The following REEP3 variants were observed in gnomAD, a reference collection of about 807,000 sequenced individuals.
The protein encoded by REEP3 is receptor accessory protein 3.
In REEP3, 20 loss-of-function variants were observed where a neutral mutation model predicts 41.3. The ratio of observed to expected loss-of-function variants is 0.48; its 90% CI spans 0.34 to 0.70. The LOEUF (loss-of-function observed/expected upper bound fraction) is 0.70, where lower values mean the gene tolerates loss of function less well. Among genes scored for constraint, REEP3 ranks in the 30% least tolerant of loss-of-function variants. The pLI is 0.01. For missense variants in REEP3, 271 were observed against 308.8 expected, an observed-to-expected ratio of 0.88 and a Z score of 0.92; for synonymous variants, 104 against 101.8, an observed-to-expected ratio of 1.02 and a Z score of -0.13.
chr10:63,574,163 T>C (rs1357046390), intron 2 of REEP3, among the ~76,000 whole-genome samples: 1 of 152,232 alleles, frequency 6.6e-6, no homozygotes, highest in Admixed American at 6.5e-5. Flanking sequence ...CTTATTGTGC[T>C]ATTTCTTAAT....
chr10:63,572,316 T>A (rs898095168), intron 2 of REEP3, among the ~76,000 whole-genome samples: 4 of 151,900 alleles, frequency 2.6e-5, no homozygotes, highest in Admixed American at 6.6e-5. Context: ...TTTTTTTTTT[T>A]AATTATACTT....
intron 1 of REEP3, among the ~76,000 whole-genome samples, chr10:63,522,212 AC>A (rs1955280710): frequency 6.6e-6 from 1 of 151,804 alleles, no homozygotes; most frequent in Non-Finnish European, 1.5e-5. Context: ...TTTGCAGCTT[AC>A]CGAGAAAGGT....
intron 1 of REEP3, among the ~76,000 whole-genome samples, chr10:63,550,271 T>G (rs1955616268): frequency 6.6e-6 from 1 of 152,080 alleles, no homozygotes; most frequent in Non-Finnish European, 1.5e-5. Flanking sequence ...AAGTGAAGAA[T>G]CTCATGTTGG....
At chr10:63,607,618 A>T (rs2133425652) in intron 5 of REEP3, among the ~76,000 whole-genome samples, 1 of 152,330 alleles carries the variant, frequency 6.6e-6, no homozygotes, top group South Asian at 2.1e-4. Flanking sequence ...AAGAGTAATG[A>T]AAAAGAAGGG....
At chr10:63,556,840 T>G (rs953779127) in intron 1 of REEP3, among the ~76,000 whole-genome samples, 7 of 150,832 alleles carry the variant, frequency 4.6e-5, no homozygotes, top group Non-Finnish European at 7.4e-5. Context: ...TTTCACCGTT[T>G]TAGCCGGGAT....
chr10:63,550,908 G>A (rs909169752), intron 1 of REEP3, among the ~76,000 whole-genome samples: 2 of 151,870 alleles, frequency 1.3e-5, no homozygotes, highest in African/African-American at 4.8e-5. Context: ...TTAATACAAG[G>A]GTTCACAGAT....
At chr10:63,546,106 G>A (rs1166831969) in intron 1 of REEP3, among the ~76,000 whole-genome samples, 1 of 152,178 alleles carries the variant, frequency 6.6e-6, no homozygotes, top group Non-Finnish European at 1.5e-5. Context: ...GACCAGAGGT[G>A]TAGGCCATTG....
At chr10:63,537,271 A>G (rs1306577167) in intron 1 of REEP3, among the ~76,000 whole-genome samples, 2 of 152,192 alleles carry the variant, frequency 1.3e-5, no homozygotes, top group Non-Finnish European at 2.9e-5. Context: ...TACCTATGGT[A>G]TGATAGCATT....
chr10:63,598,324 A>T (rs1444008625), intron 4 of REEP3, among the ~76,000 whole-genome samples, 180 bp downstream of exon 4: 1 of 151,668 alleles, frequency 6.6e-6, no homozygotes, highest in Non-Finnish European at 1.5e-5. Context: ...TACTAAAAAT[A>T]CAAAAAAAAA....
intron 2 of REEP3, among the ~76,000 whole-genome samples, chr10:63,578,692 G>A (rs535879029): frequency 6.6e-6 from 1 of 152,170 alleles, no homozygotes; most frequent in East Asian, 1.9e-4. Context: ...TGGGAGGATC[G>A]CTCAAGCATA....
intron 6 of REEP3, among the ~76,000 whole-genome samples, chr10:63,619,400 A>G (rs1298982210): frequency 6.6e-6 from 1 of 152,216 alleles, no homozygotes; most frequent in Non-Finnish European, 1.5e-5. Flanking sequence ...AAATTATTTT[A>G]TAATTATTTT....
Position 63,622,144 on chromosome 10 carries a change from T to C in REEP3, c.*1275T>C, listed in dbSNP as rs912059643. 1.3e-5 allele frequency: 2 copies of C among 152,198 alleles called. No individual in the cohort carries two copies. The highest frequency in any genetic ancestry group is 4.8e-5 in the African/African-American group (2 of 41,450). The allele number at this position is 152,198 out of a possible 1,614,324, so 9.4% of individuals were successfully genotyped here. A position where few individuals can be genotyped will look rare whatever the true frequency, so the allele number is the denominator to read the frequency against. On this transcript the variant is annotated 3_prime_UTR_variant, in exon 8 of 8. Transcript: ENST00000373758. Reference sequence around the variant, plus strand: ...TGATCAGTAATCAAATTTGTACTTATTATGCTTGTTCAGGTAATTTACTTG... The same window carrying C: ...TGATCAGTAATCAAATTTGTACTTACTATGCTTGTTCAGGTAATTTACTTG...
rs1956369409 is a variant in REEP3, at chr10:63,623,352, TTTAAGGTAG to T, written c.*2484_*2492del. On this transcript the variant is annotated 3_prime_UTR_variant, in exon 8 of 8. Transcript: ENST00000373758. ...AATTAGCCTGTACATTTTTGTTTCT[TTTAAGGTAG>T]AACAGATCTTTTTTTGTTTCTCCTT... The T allele has an allele frequency of 6.6e-6, 1 of 152,202 alleles. No homozygotes were observed. The highest frequency in any genetic ancestry group is 2.1e-4 in the South Asian group (1 of 4,834). 9.4% of individuals were successfully genotyped at this position (152,202 alleles called of 1,614,324 possible). A position where few individuals can be genotyped will look rare whatever the true frequency, so the allele number is the denominator to read the frequency against.
At chr10:63,555,249 G>A (rs930464364) in intron 1 of REEP3, among the ~76,000 whole-genome samples, 9 of 152,110 alleles carry the variant, frequency 5.9e-5, no homozygotes, top group South Asian at 4.1e-4. Context: ...ATTTGGGGCT[G>A]TTGTTGTTTT....
intron 1 of REEP3, among the ~76,000 whole-genome samples, chr10:63,540,789 T>C (rs1955520890): frequency 6.6e-6 from 1 of 152,160 alleles, no homozygotes; most frequent in South Asian, 2.1e-4. Context: ...TCTCACTCTG[T>C]CTCCTAGGCT....
intron 1 of REEP3, among the ~76,000 whole-genome samples, chr10:63,551,525 C>T (rs1955628809): frequency 6.6e-6 from 1 of 152,124 alleles, no homozygotes; most frequent in Non-Finnish European, 1.5e-5. Flanking sequence ...GGAGGGGCGC[C>T]AGTAACTTTA....
At chr10:63,592,086 A>T (rs1477367508) in intron 2 of REEP3, among the ~76,000 whole-genome samples, 1 of 152,180 alleles carries the variant, frequency 6.6e-6, no homozygotes, top group East Asian at 1.9e-4. Flanking sequence ...CTGGGAAAGG[A>T]GGTGATAATA....
At chr10:63,606,143 G>A (rs1421512013) in intron 5 of REEP3, 12 of 934,130 alleles carry the variant, frequency 1.3e-5, no homozygotes, top group Non-Finnish European at 1.5e-5. Context: ...AGACAATTCT[G>A]CAGAGAATAG....
At chr10:63,588,346 A>G (rs1235504260) in intron 2 of REEP3, among the ~76,000 whole-genome samples, 2 of 152,084 alleles carry the variant, frequency 1.3e-5, no homozygotes, top group African/African-American at 4.8e-5. Flanking sequence ...CTGCTTTCTC[A>G]TAATTTGAAT....
Sources: gnomAD v4.1 joint callset for allele counts (sites outside exome capture counted in the v4.1 genomes callset) on GRCh38, gnomAD v4.1.1 for gene constraint, MANE v1.5 for transcripts, NCBI Gene and HGNC (gene_info 2026-07-23, HGNC 2026-07-21) for gene names.